EPHB2: variants seen among roughly 807,000 people sequenced by gnomAD.
EPHB2 encodes the protein ephrin type-B receptor 2.
A neutral mutation model predicts 96.4 loss-of-function variants in EPHB2; 18 were observed. The ratio of observed to expected loss-of-function variants is 0.19; its 90% CI spans 0.13 to 0.28. The LOEUF (loss-of-function observed/expected upper bound fraction) is 0.28. EPHB2 is among the 10% of genes least tolerant of loss of function. The pLI is 1.00. For synonymous variants in EPHB2, 506 were observed against 534.1 expected, an observed-to-expected ratio of 0.95 and a Z score of 0.72; for missense variants, 989 against 1,355.4, an observed-to-expected ratio of 0.73 and a Z score of 4.25.
At chr1:22,729,695 A>G (rs1030430390) in intron 1 of EPHB2, among the ~76,000 whole-genome samples, 1 of 152,216 alleles carries the variant, frequency 6.6e-6, no homozygotes, top group African/African-American at 2.4e-5. Flanking sequence ...TTCCCAGAGC[A>G]TAGCTCCATG....
Position 22,864,864 on chromosome 1 carries a change from TCC to T in EPHB2, c.968-9_968-8del. 1.9e-6 allele frequency: 3 copies of T among 1,565,336 alleles called. No homozygotes were observed. The highest frequency in any genetic ancestry group is 2.6e-6 in the Non-Finnish European group (3 of 1,145,648). ...TGAGCCCCCCACTGACCAACACCTC[TCC>T]CCCGCCCCAGCCATCCCCTCCGCGC... is the stretch of plus-strand genomic sequence containing the variant. On this transcript the variant is annotated splice_polypyrimidine_tract_variant and intron_variant, in intron 4 of 15. Coordinates refer to ENST00000374630, the MANE Select transcript of EPHB2 (RefSeq NM_017449.5).
In EPHB2 at chr1:22,721,387, C is replaced by T. The variant is rs75792624; in HGVS notation, c.61+10344C>T. Among the ~76,000 whole-genome samples the T allele has an allele frequency of 5.9e-5, 9 of 152,260 alleles. No homozygotes were observed. The East Asian group carries it at 7.7e-4, about 13-fold the overall frequency. Reference sequence around the variant, plus strand: ...TGGCAGACCAGGAAATCTGGCCTAACGTAATACCGGGAATAAATCACAAGA... The same window carrying T: ...TGGCAGACCAGGAAATCTGGCCTAATGTAATACCGGGAATAAATCACAAGA... On this transcript the variant is annotated intron_variant, in intron 1 of 15. Transcript: ENST00000374630.
intron 5 of EPHB2, among the ~76,000 whole-genome samples, chr1:22,869,873 G>T (rs1442780064): frequency 6.6e-6 from 1 of 152,088 alleles, no homozygotes; most frequent in East Asian, 1.9e-4. Context: ...GTTCTTGTTC[G>T]TCTCCCCCAT....
chr1:22,824,681 G>A (rs186969128), intron 3 of EPHB2, among the ~76,000 whole-genome samples: 211 of 152,390 alleles, frequency 1.4e-3, no homozygotes, highest in African/African-American at 4.7e-3. Flanking sequence ...ACAGGGAGCT[G>A]ACATTAATGA....
intron 1 of EPHB2, among the ~76,000 whole-genome samples, chr1:22,746,492 G>A (rs1316550627): frequency 6.6e-6 from 1 of 152,238 alleles, no homozygotes; most frequent in Non-Finnish European, 1.5e-5. Context: ...AGGGAGGCCT[G>A]TGGGCTCCTC....
chr1:22,719,976 AC>A (rs1643410800), intron 1 of EPHB2, among the ~76,000 whole-genome samples: 1 of 152,154 alleles, frequency 6.6e-6, no homozygotes, highest in Admixed American at 6.5e-5. Flanking sequence ...AGTTGGGATC[AC>A]TCAGGAGGCT....
chr1:22,762,034 G>A (rs1262995656), intron 1 of EPHB2, among the ~76,000 whole-genome samples: 1 of 152,246 alleles, frequency 6.6e-6, no homozygotes, highest in Non-Finnish European at 1.5e-5. Flanking sequence ...ATTAAAAATA[G>A]CTCAATTGGG....
At chr1:22,755,684 C>T (rs1256201431) in intron 1 of EPHB2, among the ~76,000 whole-genome samples, 1 of 152,168 alleles carries the variant, frequency 6.6e-6, no homozygotes, top group Non-Finnish European at 1.5e-5. Context: ...GCCTCGGTTT[C>T]CTCATCTGTA....
intron 12 of EPHB2, 37 bp from the exon 13 acceptor site, chr1:22,908,985 C>T (rs368724749): frequency 3.8e-5 from 62 of 1,613,582 alleles, no homozygotes; most frequent in Non-Finnish European, 4.9e-5. Flanking sequence ...GACAGGCCAG[C>T]CTCCCACCCA....
At chr1:22,818,348 C>G (rs910950873) in intron 3 of EPHB2, among the ~76,000 whole-genome samples, 1 of 152,036 alleles carries the variant, frequency 6.6e-6, no homozygotes, top group African/African-American at 2.4e-5. Flanking sequence ...GAGTAGTTAC[C>G]TTCCCTCCTG....
rs1491154133 is a variant in EPHB2, at chr1:22,859,295, G to GGGC, written c.812-3741_812-3740insGCG. ...AAAGCCAGGGGTGTGGGGTGGGCCT[G>GGGC]GTGGGGGGGGGGGTATTGTACCTAG... On this transcript the variant is annotated intron_variant, in intron 3 of 15. Coordinates refer to ENST00000374630, the MANE Select transcript of EPHB2 (RefSeq NM_017449.5). Among the ~76,000 whole-genome samples, 966 of 127,192 alleles carry GGGC rather than the reference G, an allele frequency of 7.6e-3. 20 individuals carry two copies. The highest frequency in any genetic ancestry group is 0.033 in the African/African-American group (914 of 28,068). The allele number at this position is 127,192 out of a possible 152,430, so 83.4% of individuals were successfully genotyped here.
At chr1:22,857,267 C>A (rs1437372992) in intron 3 of EPHB2, among the ~76,000 whole-genome samples, 1 of 152,142 alleles carries the variant, frequency 6.6e-6, no homozygotes, top group Non-Finnish European at 1.5e-5. Flanking sequence ...GGCTTCTTTT[C>A]CCCTCAACTG....
chr1:22,780,384 T>C (rs563498606), intron 1 of EPHB2, among the ~76,000 whole-genome samples: 1 of 152,270 alleles, frequency 6.6e-6, no homozygotes, highest in South Asian at 2.1e-4. Context: ...CATGTGACAG[T>C]TGGCCCCTAC....
chr1:22,890,240 A>C (rs1639348638), intron 6 of EPHB2, among the ~76,000 whole-genome samples: 1 of 152,200 alleles, frequency 6.6e-6, no homozygotes, highest in Non-Finnish European at 1.5e-5. Context: ...GGGGCATAGC[A>C]GAAACCCCCT....
intron 1 of EPHB2, among the ~76,000 whole-genome samples, chr1:22,729,197 G>C (rs1241658032): frequency 6.6e-6 from 1 of 152,238 alleles, no homozygotes; most frequent in East Asian, 1.9e-4. Flanking sequence ...ACCTCAGCCA[G>C]TGGGCACCCA....
chr1:22,808,737 ATCT>A lies in EPHB2; in HGVS notation c.811+23664_811+23666del, dbSNP rs1644963784. Among the ~76,000 whole-genome samples, 4 of 152,352 alleles carry A rather than the reference ATCT, an allele frequency of 2.6e-5. No homozygotes were observed. In the South Asian group the frequency reaches 8.3e-4, roughly 32 times the overall value. On this transcript the variant is annotated intron_variant, in intron 3 of 15. Transcript: ENST00000374630. ...TAACACCCTTATGACACGGGTATTA[ATCT>A]TCATCTTCTCATTTTACAACGAGAA...
chr1:22,912,281 C>T (rs1164005853), intron 14 of EPHB2, among the ~76,000 whole-genome samples, 163 bp from the exon 15 acceptor site: 1 of 152,200 alleles, frequency 6.6e-6, no homozygotes, highest in Non-Finnish European at 1.5e-5. Context: ...CAAACCCATG[C>T]CCGCAATCAT....
intron 3 of EPHB2, chr1:22,835,925 CTG>C (rs1163249454): frequency 6.6e-6 from 1 of 151,494 alleles, no homozygotes; most frequent in African/African-American, 2.4e-5. Context: ...CTCGTCATGT[CTG>C]TGAGGGCTGG....
At chr1:22,863,826 C>T (rs147857892) in intron 4 of EPHB2, among the ~76,000 whole-genome samples, 1 of 152,284 alleles carries the variant, frequency 6.6e-6, no homozygotes, top group East Asian at 1.9e-4. Context: ...CTCAGGTGCC[C>T]TCAGCCTTCT....
Sources: gnomAD v4.1 joint callset for allele counts (sites outside exome capture counted in the v4.1 genomes callset) on GRCh38, gnomAD v4.1.1 for gene constraint, MANE v1.5 for transcripts, NCBI Gene and HGNC (gene_info 2026-07-23, HGNC 2026-07-21) for gene names.